CPXM2: variants seen among roughly 807,000 people sequenced by gnomAD.
CPXM2 encodes carboxypeptidase X, M14 family member 2.
CPXM2 carries 66 observed loss-of-function variants against 86.1 expected under a neutral mutation model. The ratio of observed to expected loss-of-function variants is 0.77; its 90% CI spans 0.63 to 0.94. The LOEUF (loss-of-function observed/expected upper bound fraction) is 0.94. Ranked by LOEUF, CPXM2 falls within the 40% of genes least tolerant of loss-of-function variation. The pLI is 0.00. For missense variants in CPXM2, 948 were observed against 1,026.3 expected (o/e 0.92, Z 1.04); for synonymous variants, 388 against 400.2 (o/e 0.97, Z 0.36).
At chr10:123,807,887 C>T (rs1847613696) in intron 4 of CPXM2, among the ~76,000 whole-genome samples, 1 of 152,052 alleles carries the variant, frequency 6.6e-6, no homozygotes, top group South Asian at 2.1e-4. Context: ...TAGATTATTC[C>T]ACATCACAAA....
intron 13 of CPXM2, among the ~76,000 whole-genome samples, chr10:123,753,884 G>C (rs976065802): frequency 2.0e-5 from 3 of 152,176 alleles, no homozygotes; most frequent in Admixed American, 6.5e-5. Flanking sequence ...ACCCTGACTA[G>C]TTAACACCAT....
At chr10:123,940,596 T>C (rs1258511257), upstream of CPXM2, among the ~76,000 whole-genome samples, 1 of 152,206 alleles carries the variant, frequency 6.6e-6, no homozygotes, top group African/African-American at 2.4e-5. Flanking sequence ...TTCCAAGTTC[T>C]TGGGGGACGC....
intron 2 of CPXM2, among the ~76,000 whole-genome samples, chr10:123,921,771 G>A (rs1047560779): frequency 6.6e-6 from 1 of 152,144 alleles, no homozygotes; most frequent in Admixed American, 6.5e-5. Context: ...AGACATTTAG[G>A]GAGGTAAAAA....
At chr10:123,877,071 C>T (rs1314974527) in intron 2 of CPXM2, among the ~76,000 whole-genome samples, 1 of 152,146 alleles carries the variant, frequency 6.6e-6, no homozygotes, top group Non-Finnish European at 1.5e-5. Flanking sequence ...AAGCTTGGGA[C>T]ACATGTAAAA....
intron 2 of CPXM2, among the ~76,000 whole-genome samples, chr10:123,921,558 A>T (rs770185238): frequency 1.3e-5 from 2 of 152,230 alleles, no homozygotes; most frequent in African/African-American, 2.4e-5. Flanking sequence ...CTGGCAGCCC[A>T]CCTATCCCTG....
At position 123,891,315 on chromosome 10, in the gene CPXM2, C is replaced by A. The variant is rs961690679; in HGVS notation, c.304+41G>T. On this transcript the variant is annotated intron_variant, in intron 1 of 13. Coordinates refer to ENST00000241305, the MANE Select transcript of CPXM2 (RefSeq NM_198148.3). This position sits in a 1 kb window ranked among gnomAD's most constrained non-coding sequence, Gnocchi z 5.6. ...GTTGTCCCCTGGAGGCGCGCAACCA[C>A]CGGCGCCCCCTCGGGCTGCCCAGCG... is the stretch of plus-strand genomic sequence containing the variant. 3.5e-6 allele frequency: 5 copies of A among 1,434,930 alleles called. No individual in the cohort carries two copies. The Admixed American group carries it at 1.4e-4, about 39-fold the overall frequency. 88.9% of individuals were successfully genotyped at this position (1,434,930 alleles called of 1,614,324 possible).
intron 4 of CPXM2, among the ~76,000 whole-genome samples, chr10:123,816,441 C>A (rs1223057195): frequency 6.6e-6 from 1 of 152,196 alleles, no homozygotes; most frequent in African/African-American, 2.4e-5. Flanking sequence ...GGAGGGATTG[C>A]AGAGATTAGC....
At chr10:123,904,342 G>C (rs1389613416) in intron 2 of CPXM2, among the ~76,000 whole-genome samples, 3 of 152,180 alleles carry the variant, frequency 2.0e-5, no homozygotes, top group Non-Finnish European at 4.4e-5. Context: ...GTGGGTAAGA[G>C]GGTGGGCCCT....
At position 123,798,101 on chromosome 10, in the gene CPXM2, T is replaced by A. The variant is rs201670839; in HGVS notation, c.764A>T (p.Glu255Val). 6.2e-7 allele frequency: 1 copy of A among 1,608,640 alleles called. No homozygotes were observed. The highest frequency in any genetic ancestry group is 8.5e-7 in the Non-Finnish European group (1 of 1,177,516). The change falls in exon 6 of 14, where the codon GAG becomes GTG. Residue 255 changes from glutamate to valine, a missense_variant. By Grantham distance (121) the Glu-to-Val change is moderately radical. Transcript: ENST00000241305. The part of the protein sequence containing the change: ...DMIFEGNSEK[E>V]IPVLNELPVP... ...GGGTAGCTCATTGAGAACAGGGATC[T>A]CCTTCTCACTGTTTCCCTCAAATAT...
intron 4 of CPXM2, among the ~76,000 whole-genome samples, chr10:123,838,850 A>G (rs1848328102): frequency 6.6e-6 from 1 of 152,132 alleles, no homozygotes; most frequent in Admixed American, 6.5e-5. Context: ...ACCACCCTCA[A>G]GCTGTTTACT....
chr10:123,904,540 A>G (rs115659385), intron 2 of CPXM2, among the ~76,000 whole-genome samples: 1,979 of 152,212 alleles, frequency 0.013, 48 homozygotes, highest in African/African-American at 0.045. Flanking sequence ...GGGCCAAATT[A>G]TATTATTCCC....
chr10:123,771,107 A>G, intron 7 of CPXM2, 68 bp from the exon 8 acceptor site: 1 of 1,494,328 alleles, frequency 6.7e-7, no homozygotes, highest in Non-Finnish European at 9.2e-7. Flanking sequence ...AGAGCTCCCA[A>G]GAAAACGGAC....
chr10:123,817,771 T>C (rs1273210491), intron 4 of CPXM2, among the ~76,000 whole-genome samples: 2 of 152,134 alleles, frequency 1.3e-5, no homozygotes, highest in Admixed American at 6.5e-5. Context: ...AAGAGAAGAC[T>C]TGGGCCTGGT....
intron 2 of CPXM2, among the ~76,000 whole-genome samples, chr10:123,869,107 T>A (rs77656168): frequency 0.033 from 5,001 of 152,278 alleles, 137 homozygotes; most frequent in South Asian, 0.11. Flanking sequence ...TCAGAGATTT[T>A]AAAAAAATCT....
At chr10:123,880,145 T>TGGGCCCCCCCCCCCCCC in intron 2 of CPXM2, 66 bp downstream of exon 2, 1 of 407,576 alleles carries the variant, frequency 2.5e-6, no homozygotes, top group Admixed American at 3.3e-5. Flanking sequence ...CAGGGGCCTG[T>TGGGCCCCCCCCCCCCCC]ACCCACCCAC....
At chr10:123,884,055 T>G (rs933671363) in intron 1 of CPXM2, among the ~76,000 whole-genome samples, 2 of 152,082 alleles carry the variant, frequency 1.3e-5, no homozygotes, top group African/African-American at 2.4e-5. Context: ...ATTTTTCTCC[T>G]CACTATACAA....
At chr10:123,908,196 A>T (rs1945459740) in intron 2 of CPXM2, among the ~76,000 whole-genome samples, 1 of 151,926 alleles carries the variant, frequency 6.6e-6, no homozygotes, top group Non-Finnish European at 1.5e-5. Flanking sequence ...TAGGGGTAGC[A>T]CCAGTAGGAC....
At chr10:123,938,960 A>G (rs72631137) in intron 2 of CPXM2, among the ~76,000 whole-genome samples, 8,911 of 152,158 alleles carry the variant, frequency 0.059, 727 homozygotes, top group East Asian at 0.42. Flanking sequence ...CACCCTGCCA[A>G]GCCCTCTGAT....
intron 3 of CPXM2, 21 bp from the exon 4 acceptor site, chr10:123,842,509 G>A: frequency 1.9e-6 from 3 of 1,611,014 alleles, no homozygotes; most frequent in African/African-American, 1.3e-5. Flanking sequence ...AGAAAGCGGT[G>A]TTCTTCAAAA....
Sources: gnomAD v4.1 joint callset for allele counts (sites outside exome capture counted in the v4.1 genomes callset) on GRCh38, gnomAD v4.1.1 for gene constraint, Gnocchi (gnomAD v3.1) non-coding constraint, MANE v1.5 for transcripts, NCBI Gene and HGNC (gene_info 2026-07-23, HGNC 2026-07-21) for gene names.